The following PHACTR3 variants were observed in gnomAD, a reference collection of about 807,000 sequenced individuals.
The protein encoded by PHACTR3 is phosphatase and actin regulator 3, also known as protein phosphatase 1, regulatory subunit 123.
A neutral mutation model predicts 66.8 loss-of-function variants in PHACTR3; 16 were observed. The ratio of observed to expected loss-of-function variants is 0.24; its 90% confidence interval spans 0.16 to 0.36. The LOEUF (loss-of-function observed/expected upper bound fraction) is 0.36, where lower values mean the gene tolerates loss of function less well. Among genes scored for constraint, PHACTR3 ranks in the 10% least tolerant of loss-of-function variants. The pLI is 1.00. For synonymous variants in PHACTR3, 323 were observed against 292.1 expected, an observed-to-expected ratio of 1.11 and a Z score of -1.08; for missense variants, 647 against 719.9, an observed-to-expected ratio of 0.90 and a Z score of 1.16.
intron 1 of PHACTR3, among the ~76,000 whole-genome samples, chr20:59,605,634 G>T (rs1043339479): frequency 3.3e-5 from 5 of 152,222 alleles, no homozygotes; most frequent in African/African-American, 1.2e-4. Context: ...ACCTGGGCGC[G>T]CTAGCCCCCG....
intron 1 of PHACTR3, among the ~76,000 whole-genome samples, chr20:59,654,128 T>G (rs2035542398): frequency 6.6e-6 from 1 of 152,178 alleles, no homozygotes; most frequent in African/African-American, 2.4e-5. Flanking sequence ...ATCAGAATTA[T>G]AAAAATCTGT....
intron 1 of PHACTR3, among the ~76,000 whole-genome samples, chr20:59,592,199 G>A (rs771413487): frequency 4.6e-5 from 7 of 152,104 alleles, no homozygotes; most frequent in South Asian, 2.1e-4. Flanking sequence ...TGTTTCCCAC[G>A]CCTGGCATGC....
rs555567435 is a variant in PHACTR3 at position 59,617,249 on chromosome 20, A to G, written c.118+12117A>G. On this transcript the variant is annotated intron_variant, in intron 1 of 12. Transcript: ENST00000371015. ...CTCATACCTATTCCCATGTTCCCAT[A>G]AAAAAATTAAAATCGAGGGAGAAAA... Among the ~76,000 whole-genome samples, 46 of 152,278 alleles carry G rather than the reference A, an allele frequency of 3.0e-4. No homozygotes were observed. The South Asian group carries it at 3.5e-3, about 12-fold the overall frequency.
chr20:59,653,258 C>T lies in PHACTR3; in HGVS notation c.118+48126C>T, dbSNP rs1051215686. On this transcript the variant is annotated intron_variant, in intron 1 of 12. Transcript: ENST00000371015. ...GGAGTGCAGTGGCACCATCTCTGCTCACTGCAACCTTCGCCTCCCGGGTTC... is the reference window on the plus strand; with the variant it reads ...GGAGTGCAGTGGCACCATCTCTGCTTACTGCAACCTTCGCCTCCCGGGTTC... Among the ~76,000 whole-genome samples the T allele has an allele frequency of 1.5e-4, 23 of 151,144 alleles. 1 individual carries two copies. The highest frequency in any genetic ancestry group is 1.1e-3 in the Admixed American group (17 of 15,202).
intron 1 of PHACTR3, among the ~76,000 whole-genome samples, chr20:59,630,703 C>T (rs557775887): frequency 6.6e-6 from 1 of 152,226 alleles, no homozygotes; most frequent in East Asian, 1.9e-4. Context: ...TGGGCGGTTA[C>T]CTGGCACCAT....
At chr20:59,745,861 C>T (rs1390913118) in intron 2 of PHACTR3, among the ~76,000 whole-genome samples, 3 of 152,180 alleles carry the variant, frequency 2.0e-5, no homozygotes, top group African/African-American at 7.2e-5. Context: ...GAGGGTAGAG[C>T]CTCGCAGCTG....
intron 7 of PHACTR3, among the ~76,000 whole-genome samples, chr20:59,784,566 G>A (rs755821829): frequency 6.1e-4 from 93 of 152,238 alleles, no homozygotes; most frequent in Non-Finnish European, 1.1e-3. Flanking sequence ...GAGATGAGAC[G>A]CGTGAGGTGC....
At chr20:59,592,787 A>G (rs1167684155) in intron 1 of PHACTR3, among the ~76,000 whole-genome samples, 1 of 152,144 alleles carries the variant, frequency 6.6e-6, no homozygotes, top group Admixed American at 6.5e-5. Flanking sequence ...ACTGAGCAAT[A>G]TGCATTTACA....
chr20:59,819,725 C>A (rs1411097572), intron 8 of PHACTR3, among the ~76,000 whole-genome samples: 1 of 151,622 alleles, frequency 6.6e-6, no homozygotes, highest in Non-Finnish European at 1.5e-5. Context: ...ACTGGCCACC[C>A]GTCAACTGAG....
chr20:59,782,824 T>C (rs1319271198), intron 7 of PHACTR3, among the ~76,000 whole-genome samples: 3 of 152,006 alleles, frequency 2.0e-5, no homozygotes, highest in East Asian at 3.9e-4. Context: ...CCAAACCATA[T>C]CAAAATCCTA....
intron 1 of PHACTR3, among the ~76,000 whole-genome samples, chr20:59,729,385 C>A (rs898940874): frequency 6.6e-6 from 1 of 152,058 alleles, no homozygotes; most frequent in Non-Finnish European, 1.5e-5. Flanking sequence ...AAAAGGAGAC[C>A]GGGGCACGAG....
chr20:59,659,096 A>G (rs1436989549), intron 1 of PHACTR3, among the ~76,000 whole-genome samples: 2 of 151,984 alleles, frequency 1.3e-5, no homozygotes, highest in Non-Finnish European at 2.9e-5. Flanking sequence ...ATCTCTTCAT[A>G]CATGTTTACC....
intron 1 of PHACTR3, among the ~76,000 whole-genome samples, chr20:59,742,196 A>T (rs1182469): frequency 0.68 from 104,243 of 152,180 alleles, 36,170 homozygotes; most frequent in African/African-American, 0.77. Flanking sequence ...CTTTGGCCTG[A>T]TTATCTCAGA....
chr20:59,721,466 G>A (rs553054229), intron 1 of PHACTR3: 10 of 152,820 alleles, frequency 6.5e-5, no homozygotes, highest in African/African-American at 2.4e-4. Context: ...GGCGATGGTG[G>A]GGGATGTGGC....
chr20:59,810,127 G>A (rs939633737), intron 8 of PHACTR3, among the ~76,000 whole-genome samples: 8 of 152,290 alleles, frequency 5.3e-5, no homozygotes, highest in African/African-American at 1.9e-4. Flanking sequence ...AGTACATGTG[G>A]TTCAAAAAAC....
intron 5 of PHACTR3, among the ~76,000 whole-genome samples, chr20:59,769,393 AGG>A (rs1210731099): frequency 6.6e-6 from 1 of 152,252 alleles, no homozygotes; most frequent in African/African-American, 2.4e-5. Context: ...TGTGACAGGC[AGG>A]ACAGGACACA....
At chr20:59,650,154 A>G (rs570683998) in intron 1 of PHACTR3, among the ~76,000 whole-genome samples, 2 of 152,326 alleles carry the variant, frequency 1.3e-5, no homozygotes, top group African/African-American at 4.8e-5. Context: ...ACAAAGAAAT[A>G]TTTATACATC....
intron 7 of PHACTR3, among the ~76,000 whole-genome samples, chr20:59,781,943 G>A (rs952796647): frequency 1.3e-5 from 2 of 152,100 alleles, no homozygotes; most frequent in African/African-American, 2.4e-5. Flanking sequence ...GGGATTTCCC[G>A]GCTTTATAGA....
intron 1 of PHACTR3, among the ~76,000 whole-genome samples, chr20:59,670,805 C>G (rs2036170877): frequency 6.6e-6 from 1 of 152,148 alleles, no homozygotes; most frequent in African/African-American, 2.4e-5. Flanking sequence ...GTCCATAGAC[C>G]CAGATGGTGC....
Sources: gnomAD v4.1 joint callset for allele counts (sites outside exome capture counted in the v4.1 genomes callset) on GRCh38, gnomAD v4.1.1 for gene constraint, MANE v1.5 for transcripts, NCBI Gene and HGNC (gene_info 2026-07-23, HGNC 2026-07-21) for gene names.